Variants in SPDYE10 observed in about 807,000 individuals in gnomAD.
SPDYE10 encodes speedy protein E10.
At chr7:73,134,434 T>C in the SPDYE10 span, among the ~76,000 whole-genome samples, 1 of 150,366 alleles carries the variant, frequency 6.7e-6, no homozygotes, top group Non-Finnish European at 1.5e-5. Context: ...GATGAGTTAA[T>C]GGGTGTAGCA....
At chr7:73,149,625 G>T in the SPDYE10 span, among the ~76,000 whole-genome samples, 1 of 152,066 alleles carries the variant, frequency 6.6e-6, no homozygotes, top group Non-Finnish European at 1.5e-5. Context: ...CTATTGGTTG[G>T]CTGGATAGTT....
the SPDYE10 span, among the ~76,000 whole-genome samples, chr7:73,153,964 A>T: frequency 6.6e-6 from 1 of 151,734 alleles, no homozygotes; most frequent in South Asian, 2.1e-4. Flanking sequence ...TTCCCCTGAA[A>T]AAGAGTTCTC....
chr7:73,123,121 A>C, the SPDYE10 span, among the ~76,000 whole-genome samples: 1 of 152,134 alleles, frequency 6.6e-6, no homozygotes, highest in Non-Finnish European at 1.5e-5. Flanking sequence ...AACTGATGAA[A>C]TAGGAACTCT....
the SPDYE10 span, among the ~76,000 whole-genome samples, chr7:73,139,660 T>C: frequency 6.7e-6 from 1 of 150,076 alleles, no homozygotes; most frequent in Non-Finnish European, 1.5e-5. Context: ...TTTTTTGTGT[T>C]TTTTTTTTTC....
At chr7:73,113,725 C>G in the SPDYE10 span, among the ~76,000 whole-genome samples, 6 of 152,076 alleles carry the variant, frequency 3.9e-5, no homozygotes, top group South Asian at 2.1e-4. Flanking sequence ...GAAACCGCAT[C>G]TCTACTAAAA....
the SPDYE10 span, among the ~76,000 whole-genome samples, chr7:73,149,917 A>G: frequency 6.6e-5 from 4 of 60,240 alleles, no homozygotes; most frequent in African/African-American, 3.4e-4. Context: ...AAAGCCGTGA[A>G]AATCACATAG....
chr7:73,128,453 A>G, the SPDYE10 span, among the ~76,000 whole-genome samples: 1 of 140,652 alleles, frequency 7.1e-6, no homozygotes, highest in African/African-American at 2.9e-5. Flanking sequence ...ATTGTAGTCA[A>G]GTCTTACCCC....
chr7:73,113,857 C>G, the SPDYE10 span, among the ~76,000 whole-genome samples: 3 of 152,018 alleles, frequency 2.0e-5, no homozygotes, highest in Non-Finnish European at 2.9e-5. Context: ...AACACCCCAT[C>G]TCTGCTAAAA....
the SPDYE10 span, among the ~76,000 whole-genome samples, chr7:73,126,777 A>G: frequency 6.6e-6 from 1 of 150,542 alleles, no homozygotes; most frequent in African/African-American, 2.4e-5. Context: ...TCCTGGGCTC[A>G]AGCAATTCTC....
chr7:73,123,580 C>T, the SPDYE10 span, among the ~76,000 whole-genome samples: 1 of 152,166 alleles, frequency 6.6e-6, no homozygotes, highest in East Asian at 1.9e-4. Flanking sequence ...AATTCTCCTG[C>T]CTCACCCTCC....
the SPDYE10 span, among the ~76,000 whole-genome samples, chr7:73,135,555 C>T: frequency 1.3e-3 from 155 of 117,132 alleles, no homozygotes; most frequent in Middle Eastern, 0.012. Context: ...AGACAGAATC[C>T]CACTCTGTTG....
At chr7:73,138,431 T>TGG in the SPDYE10 span, among the ~76,000 whole-genome samples, 1 of 150,732 alleles carries the variant, frequency 6.6e-6, no homozygotes, top group African/African-American at 2.5e-5. Context: ...CTGGATGGAG[T>TGG]GCAGTGGTGC....
At chr7:73,132,616 G>GC in the SPDYE10 span, among the ~76,000 whole-genome samples, 1 of 148,472 alleles carries the variant, frequency 6.7e-6, no homozygotes. Context: ...GGCCTCCTGA[G>GC]CCTGGTTCCA....
At chr7:73,104,313 C>G in the SPDYE10 span, 4 of 100,428 alleles carry the variant, frequency 4.0e-5, no homozygotes, top group South Asian at 3.7e-4. Context: ...CCTTCAGCAG[C>G]ACGTGTAATA....
At chr7:73,130,370 C>A in the SPDYE10 span, among the ~76,000 whole-genome samples, 7 of 151,478 alleles carry the variant, frequency 4.6e-5, no homozygotes, top group African/African-American at 1.7e-4. Flanking sequence ...CAGGATAGAG[C>A]TTTTCGTGTT....
At chr7:73,140,866 C>A in the SPDYE10 span, among the ~76,000 whole-genome samples, 2 of 150,046 alleles carry the variant, frequency 1.3e-5, no homozygotes, top group Non-Finnish European at 3.0e-5. Flanking sequence ...AGTGATCCAC[C>A]CCCCTTGGCC....
chr7:73,134,280 C>T, the SPDYE10 span, among the ~76,000 whole-genome samples: 4 of 141,294 alleles, frequency 2.8e-5, no homozygotes, highest in Admixed American at 2.1e-4. Flanking sequence ...GACAGAAAAC[C>T]AAACACCGCA....
chr7:73,135,871 C>CTTTTTTTTT, the SPDYE10 span, among the ~76,000 whole-genome samples: 1 of 37,018 alleles, frequency 2.7e-5, no homozygotes, highest in Non-Finnish European at 5.6e-5. Flanking sequence ...CGCACCCGGT[C>CTTTTTTTTT]TTTTTTTTTT....
At chr7:73,134,424 G>A in the SPDYE10 span, among the ~76,000 whole-genome samples, 1 of 150,372 alleles carries the variant, frequency 6.7e-6, no homozygotes, top group African/African-American at 2.5e-5. Context: ...CAATGTAAAT[G>A]ATGAGTTAAT....
Sources: gnomAD v4.1 joint callset for allele counts (sites outside exome capture counted in the v4.1 genomes callset) on GRCh38, gnomAD v4.1.1 for gene constraint, MANE v1.5 for transcripts, NCBI Gene and HGNC (gene_info 2026-07-23, HGNC 2026-07-21) for gene names.